Variants in RGSL1 observed in about 807,000 individuals in gnomAD.
RGSL1 encodes regulator of G protein signaling like 1, also known as regulator of G protein signaling protein-like.
RGSL1 carries 97 observed loss-of-function variants against 124.7 expected under a neutral mutation model. The observed-to-expected ratio is 0.78, with a 90% confidence interval of 0.66 to 0.92. RGSL1 has a LOEUF of 0.92. RGSL1 is among the 40% of genes least tolerant of loss of function. The probability of loss-of-function intolerance (pLI) is 0.00; values close to 1 mark genes in which losing one functional copy is unlikely to be tolerated. For synonymous variants in RGSL1, 424 were observed against 438.1 expected (o/e 0.97, Z 0.40); for missense variants, 1,233 against 1,288.4 (o/e 0.96, Z 0.66).
chr1:182,559,861 C>T (rs1661074865), intron 21 of RGSL1, among the ~76,000 whole-genome samples: 1 of 152,164 alleles, frequency 6.6e-6, no homozygotes, highest in South Asian at 2.1e-4. Flanking sequence ...GTTTCTGAGA[C>T]ACATTTTTTC....
intron 10 of RGSL1, among the ~76,000 whole-genome samples, chr1:182,525,117 CAAACA>C (rs1374469835): frequency 6.6e-6 from 1 of 152,088 alleles, no homozygotes; most frequent in East Asian, 1.9e-4. Context: ...ACATAAAAAG[CAAACA>C]AAACCATCAA....
intron 9 of RGSL1, among the ~76,000 whole-genome samples, chr1:182,493,511 G>T (rs1471987749): frequency 6.6e-5 from 10 of 152,182 alleles, no homozygotes; most frequent in African/African-American, 2.4e-4. Flanking sequence ...AGAGAGTGAG[G>T]AAGGCAGGAT....
chr1:182,488,299 G>T lies in RGSL1; in HGVS notation c.1446G>T (p.Trp482Cys), dbSNP rs1297815212. Residue 482 changes from tryptophan (W) to cysteine (C), a missense_variant, in exon 7 of 22, where the codon TGG (tryptophan) becomes TGT (cysteine). By Grantham distance (215) the Trp-to-Cys change is radical. Coordinates refer to ENST00000294854, the MANE Select transcript of RGSL1 (RefSeq NM_001137669.2). Reference sequence around the variant, plus strand: ...TTGGTTTTCAGATGCTCAGTCCCTGGTATGATGAGTTTCTAGATGAAGAGG... The same window carrying T: ...TTGGTTTTCAGATGCTCAGTCCCTGTTATGATGAGTTTCTAGATGAAGAGG... ...QKEICKMLSP[W>C]YDEFLDEEDY... 3.2e-6 allele frequency: 5 copies of T among 1,552,212 alleles called. No individual in the cohort carries two copies. The highest frequency in any genetic ancestry group is 4.4e-6 in the Non-Finnish European group (5 of 1,147,098).
chr1:182,495,497 C>A (rs1363694322), intron 9 of RGSL1, among the ~76,000 whole-genome samples: 2 of 152,186 alleles, frequency 1.3e-5, no homozygotes, highest in Non-Finnish European at 2.9e-5. Context: ...TCCTTCTAAG[C>A]CCCTGGCTTA....
intron 11 of RGSL1, among the ~76,000 whole-genome samples, chr1:182,528,954 A>C (rs1658959894): frequency 6.6e-6 from 1 of 152,170 alleles, no homozygotes; most frequent in Non-Finnish European, 1.5e-5. Context: ...GCGAAGGGGG[A>C]AGCCCTTGTA....
intron 14 of RGSL1, among the ~76,000 whole-genome samples, chr1:182,536,392 G>A (rs1571682807): frequency 1.3e-5 from 2 of 152,166 alleles, no homozygotes; most frequent in South Asian, 4.1e-4. Flanking sequence ...CAAAGTGATT[G>A]TACCATTTTT....
intron 9 of RGSL1, among the ~76,000 whole-genome samples, chr1:182,508,587 C>T (rs1657027900): frequency 6.6e-6 from 1 of 151,782 alleles, no homozygotes; most frequent in South Asian, 2.1e-4. Flanking sequence ...GCGTGAGCCA[C>T]TGCACCCGGC....
intron 10 of RGSL1, among the ~76,000 whole-genome samples, chr1:182,523,847 A>G (rs1262889969): frequency 1.3e-5 from 2 of 152,256 alleles, no homozygotes; most frequent in South Asian, 2.1e-4. Flanking sequence ...AAATGTTATG[A>G]TAACATATTA....
At chr1:182,460,160 C>CTGTGTGTG (rs10572829) in intron 4 of RGSL1, 27 bp downstream of exon 4, 1 of 1,266,158 alleles carries the variant, frequency 7.9e-7, no homozygotes, top group East Asian at 3.5e-5. Context: ...ATGCGTGTGT[C>CTGTGTGTG]TGTGTGTGTG....
intron 2 of RGSL1, among the ~76,000 whole-genome samples, chr1:182,454,364 C>A (rs1652106130): frequency 1.3e-5 from 2 of 152,128 alleles, no homozygotes; most frequent in Non-Finnish European, 1.5e-5. Context: ...CACTGGGTAC[C>A]CCTGGCATTC....
chr1:182,484,971 T>C (rs1054944773), intron 6 of RGSL1, among the ~76,000 whole-genome samples: 2 of 152,080 alleles, frequency 1.3e-5, no homozygotes, highest in Admixed American at 1.3e-4. Context: ...AGTAATACCA[T>C]TTCCAAGATG....
chr1:182,525,885 T>C (rs1441927730), intron 10 of RGSL1, among the ~76,000 whole-genome samples: 1 of 152,108 alleles, frequency 6.6e-6, no homozygotes, highest in Non-Finnish European at 1.5e-5. Flanking sequence ...ACACAGATAA[T>C]TAAAATCTGG....
chr1:182,476,678 G>T (rs1471737120), intron 6 of RGSL1, among the ~76,000 whole-genome samples: 1 of 152,118 alleles, frequency 6.6e-6, no homozygotes, highest in Non-Finnish European at 1.5e-5. Flanking sequence ...AAAACAGATG[G>T]CTGTCTCAAT....
At chr1:182,544,920 T>G (rs1660117204) in intron 15 of RGSL1, among the ~76,000 whole-genome samples, 1 of 152,110 alleles carries the variant, frequency 6.6e-6, no homozygotes, top group Non-Finnish European at 1.5e-5. Context: ...TAGCATGTAG[T>G]TGGGTCTTGT....
rs1453197515 is a variant in RGSL1, at chr1:182,543,751, G to A, written c.2669+3330G>A. ...TCATTTGAGTTTTCTATGTCCTCAT[G>A]ATTCAACCTGGTAGTTTTTATGCGT... is the stretch of plus-strand genomic sequence containing the variant. On this transcript the variant is annotated intron_variant, in intron 15 of 21. Coordinates refer to ENST00000294854, the MANE Select transcript of RGSL1 (RefSeq NM_001137669.2). Among the ~76,000 whole-genome samples the A allele has an allele frequency of 6.6e-5, 10 of 151,998 alleles. 1 individual carries two copies.
At position 182,480,460 on chromosome 1, in the gene RGSL1, GT is replaced by G. The variant is rs34766284; in HGVS notation, c.1431+5933del. On this transcript the variant is annotated intron_variant, in intron 6 of 21. Coordinates refer to ENST00000294854, the MANE Select transcript of RGSL1 (RefSeq NM_001137669.2). ...ATAATAAAATGAAATAACATTACAA[GT>G]TTTTTTTTTTTTTTGACAGAGTCAC... is the stretch of plus-strand genomic sequence containing the variant. Among the ~76,000 whole-genome samples, 281 of 142,090 alleles carry G rather than the reference GT, an allele frequency of 2.0e-3. 1 individual carries two copies. The highest frequency in any genetic ancestry group is 2.7e-3 in the East Asian group (13 of 4,882). The allele number at this position is 142,090 out of a possible 152,430, so 93.2% of individuals were successfully genotyped here. A position where few individuals can be genotyped will look rare whatever the true frequency, so the allele number is the denominator to read the frequency against.
Position 182,472,392 on chromosome 1 carries a change from G to A in RGSL1, c.302-4G>A, listed in dbSNP as rs546636235. On this transcript the variant is annotated splice_region_variant and splice_polypyrimidine_tract_variant and intron_variant, in intron 4 of 21. Transcript: ENST00000294854. ...GCTCTGTGCCTCTTCTGTCTCACCC[G>A]TAGGTGAAGAATTGGTGGATTTCTG... The A allele has an allele frequency of 8.5e-5, 132 of 1,547,760 alleles. No homozygotes were observed. Among genetic ancestry groups the A allele is most frequent in the Middle Eastern group, 5.0e-4 (3 of 5,994 alleles).
intron 15 of RGSL1, among the ~76,000 whole-genome samples, chr1:182,547,295 G>A (rs1660272613): frequency 6.6e-6 from 1 of 152,164 alleles, no homozygotes; most frequent in Non-Finnish European, 1.5e-5. Flanking sequence ...AAGTCCTCAG[G>A]TATGGTTTCT....
intron 9 of RGSL1, among the ~76,000 whole-genome samples, chr1:182,504,347 T>C (rs1656643983): frequency 6.6e-6 from 1 of 152,140 alleles, no homozygotes; most frequent in South Asian, 2.1e-4. Context: ...TAACTTTCTT[T>C]GCTCATGGTT....
Sources: allele counts gnomAD v4.1 joint callset (sites outside exome capture counted in the v4.1 genomes callset), GRCh38; gene constraint gnomAD v4.1.1; transcripts MANE v1.5; gene names NCBI Gene and HGNC (gene_info 2026-07-23, HGNC 2026-07-21).